ERICH1: variants seen among roughly 807,000 people sequenced by gnomAD.
The protein encoded by ERICH1 is glutamate-rich protein 1.
A neutral mutation model predicts 39.6 loss-of-function variants in ERICH1; 56 were observed. That is an observed-to-expected ratio of 1.41 (90% CI 1.14 to 1.77). The LOEUF (loss-of-function observed/expected upper bound fraction) is 1.77. ERICH1 is among the 40% of genes most tolerant of loss of function. The pLI is 0.00. For synonymous variants in ERICH1, 313 were observed against 223.6 expected, an observed-to-expected ratio of 1.40 and a Z score of -3.57; for missense variants, 826 against 575.4, an observed-to-expected ratio of 1.44 and a Z score of -4.45.
chr8:677,787 C>T (rs919596543), intron 3 of ERICH1, among the ~76,000 whole-genome samples: 4 of 152,180 alleles, frequency 2.6e-5, no homozygotes, highest in Non-Finnish European at 4.4e-5. Context: ...TTTTCCCACC[C>T]ACAGGAAGCC....
chr8:710,224 A>G (rs1814390143), intron 2 of ERICH1, among the ~76,000 whole-genome samples: 1 of 152,202 alleles, frequency 6.6e-6, no homozygotes, highest in Non-Finnish European at 1.5e-5. Context: ...CCATGACAGC[A>G]TCGTACAGGG....
chr8:664,596 T>C lies in ERICH1; in HGVS notation c.*7A>G. 4 of 1,603,558 alleles carry C rather than the reference T, an allele frequency of 2.5e-6. No individual in the cohort carries two copies. Among genetic ancestry groups the C allele is most frequent in the South Asian group, 1.1e-5 (1 of 88,416 alleles). On this transcript the variant is annotated 3_prime_UTR_variant, in exon 6 of 6. Transcript: ENST00000262109. ...AAGAGGAGCTGTTCTTAAAGAGATATTCCATTTTAGTCACTGCTCTTCTCA... is the reference window on the plus strand; with the variant it reads ...AAGAGGAGCTGTTCTTAAAGAGATACTCCATTTTAGTCACTGCTCTTCTCA...
At chr8:668,909 A>C in intron 4 of ERICH1, 117 bp from the exon 5 acceptor site, 2 of 889,472 alleles carry the variant, frequency 2.2e-6, no homozygotes, top group Non-Finnish European at 3.3e-6. Context: ...AGAATGACAT[A>C]TCTGGGAGAT....
At chr8:673,220 A>C (rs1428285984) in intron 4 of ERICH1, 69 bp downstream of exon 4, 2 of 1,480,550 alleles carry the variant, frequency 1.4e-6, no homozygotes, top group East Asian at 4.6e-5. Context: ...TTTAAGCATT[A>C]TATTTGTTTC....
chr8:691,340 C>T (rs1425781516), intron 3 of ERICH1, among the ~76,000 whole-genome samples: 1 of 152,250 alleles, frequency 6.6e-6, no homozygotes, highest in Non-Finnish European at 1.5e-5. Flanking sequence ...ACTGCTGTAG[C>T]TCAGTCCTGA....
intron 3 of ERICH1, among the ~76,000 whole-genome samples, chr8:622,006 G>A (rs1167335136): frequency 6.6e-6 from 1 of 152,178 alleles, no homozygotes; most frequent in Non-Finnish European, 1.5e-5. Flanking sequence ...CTTGAGGCCA[G>A]TAGTTTGAGA....
At position 702,030 on chromosome 8, in the gene ERICH1, T is replaced by C. The variant is rs185075241; in HGVS notation, c.170-9418A>G. On this transcript the variant is annotated intron_variant, in intron 2 of 5. Transcript: ENST00000262109. ...AGGCGGAGCTTGCAGTGAGCCAAGA[T>C]TGCACCACTGCACTCCAGCCTCGGT... Among the ~76,000 whole-genome samples the C allele has an allele frequency of 9.5e-3, 1,301 of 137,104 alleles. 23 individuals are homozygous for C. The highest frequency in any genetic ancestry group is 0.033 in the African/African-American group (1,204 of 36,126). The allele number at this position is 137,104 out of a possible 152,430, so 89.9% of individuals were successfully genotyped here. A position where few individuals can be genotyped will look rare whatever the true frequency, so the allele number is the denominator to read the frequency against.
chr8:641,422 C>A (rs974745301), intron 3 of ERICH1, among the ~76,000 whole-genome samples: 12 of 152,172 alleles, frequency 7.9e-5, no homozygotes, highest in African/African-American at 2.7e-4. Flanking sequence ...TCCCCAAGTC[C>A]CCTTAAGTAG....
intron 3 of ERICH1, among the ~76,000 whole-genome samples, chr8:688,511 G>A (rs986407438): frequency 6.6e-6 from 1 of 151,890 alleles, no homozygotes; most frequent in Non-Finnish European, 1.5e-5. Flanking sequence ...CGGCCCTCCT[G>A]GCGCTCTTCC....
chr8:704,394 A>G lies in ERICH1; in HGVS notation c.169+11467T>C, dbSNP rs143756502. Among the ~76,000 whole-genome samples, 35 of 152,246 alleles carry G rather than the reference A, an allele frequency of 2.3e-4. 1 individual carries two copies. The highest frequency in any genetic ancestry group is 7.7e-4 in the African/African-American group (32 of 41,532). On this transcript the variant is annotated intron_variant, in intron 2 of 5. Coordinates refer to ENST00000262109, the MANE Select transcript of ERICH1 (RefSeq NM_207332.3). The stretch of plus-strand genomic sequence containing the variant: ...AGGCCACGGAAGATGAAGCTCATTG[A>G]CCCTGAATGTGTCTGACCATAGAAC...
intron 4 of ERICH1, chr8:672,294 G>C (rs1803610603): frequency 6.6e-6 from 1 of 152,204 alleles, no homozygotes; most frequent in South Asian, 2.1e-4. Flanking sequence ...TCTTCCTGAT[G>C]TGCCATCTGG....
At chr8:664,792 TA>T (rs1801941669) in intron 5 of ERICH1, 116 bp from the exon 6 acceptor site, 2 of 733,888 alleles carry the variant, frequency 2.7e-6, no homozygotes, top group Non-Finnish European at 4.3e-6. Context: ...AATAATCTAA[TA>T]AAATGCAACT....
intron 3 of ERICH1, among the ~76,000 whole-genome samples, chr8:630,772 ACACG>A (rs1321495515): frequency 3.3e-4 from 45 of 138,012 alleles, no homozygotes; most frequent in African/African-American, 1.1e-3. Flanking sequence ...GTGAGCACCC[ACACG>A]GACAGAGCTG....
chr8:656,807 G>T (rs1800720078), intron 3 of ERICH1: 1 of 985,466 alleles, frequency 1.0e-6, no homozygotes, highest in Non-Finnish European at 1.2e-6. Flanking sequence ...CCCAGCCTCA[G>T]GACTCCCTCA....
At chr8:692,372 C>A (rs1008777259) in intron 3 of ERICH1, 106 bp downstream of exon 3, 1 of 1,499,854 alleles carries the variant, frequency 6.7e-7, no homozygotes, top group Admixed American at 2.0e-5. Context: ...CATGCTCACC[C>A]ACCCCCCAAG....
chr8:692,491 C>G lies in ERICH1; in HGVS notation c.291G>C (p.Gly97=), dbSNP rs1250508366. ...CCAGCATTTTACCTTCTGTGTCATC[C>G]CCGCTGGAGGCGTTCTCGGGGCTCC... ...SCGSPENASS[G]DDTEDQDPHD... The change falls in exon 3 of 6, where the codon GGG becomes GGC. Residue 97 remains glycine (G), a synonymous_variant. Transcript: ENST00000262109. 1 of 1,614,102 alleles carries G rather than the reference C, an allele frequency of 6.2e-7. No homozygotes were observed. Among genetic ancestry groups the G allele is most frequent in the East Asian group, 2.2e-5 (1 of 44,870 alleles).
At chr8:684,034 G>A (rs950982962) in intron 3 of ERICH1, among the ~76,000 whole-genome samples, 9 of 152,172 alleles carry the variant, frequency 5.9e-5, no homozygotes, top group Non-Finnish European at 1.3e-4. Context: ...CTTAAAAACT[G>A]ACTTAGTGGA....
At chr8:632,970 C>A (rs966497397) in intron 3 of ERICH1, among the ~76,000 whole-genome samples, 24 of 152,214 alleles carry the variant, frequency 1.6e-4, no homozygotes, top group African/African-American at 4.8e-4. Flanking sequence ...ATCAGCAGTG[C>A]CAGACAAAGA....
At chr8:715,725 G>T in intron 2 of ERICH1, 136 bp downstream of exon 2, 1 of 1,230,576 alleles carries the variant, frequency 8.1e-7, no homozygotes. Context: ...TGCCTGCCCT[G>T]CCCACCTGCT....
Sources: allele counts gnomAD v4.1 joint callset (sites outside exome capture counted in the v4.1 genomes callset), GRCh38; gene constraint gnomAD v4.1.1; transcripts MANE v1.5; gene names NCBI Gene and HGNC (gene_info 2026-07-23, HGNC 2026-07-21).